POU6F1: variants seen among roughly 807,000 people sequenced by gnomAD.
POU6F1 encodes POU domain, class 6, transcription factor 1.
In POU6F1, 9 loss-of-function variants were observed where a neutral mutation model predicts 28.9. The observed-to-expected ratio is 0.31, with a 90% confidence interval of 0.19 to 0.54. POU6F1 has a LOEUF of 0.54. Ranked by LOEUF, POU6F1 falls within the 20% of genes least tolerant of loss-of-function variation. The pLI, the probability that POU6F1 is intolerant of heterozygous loss-of-function variation, is 0.94. For synonymous variants in POU6F1, 173 were observed against 171.1 expected (o/e 1.01, Z -0.09); for missense variants, 338 against 426.1 (o/e 0.79, Z 1.82).
At chr12:51,205,285 C>T (rs1943514842) in intron 2 of POU6F1, among the ~76,000 whole-genome samples, 1 of 152,102 alleles carries the variant, frequency 6.6e-6, no homozygotes, top group Admixed American at 6.6e-5. Flanking sequence ...CGTGATCCGC[C>T]CACCTCGGCC....
At chr12:51,216,142 A>AC (rs1423095755) in intron 1 of POU6F1, among the ~76,000 whole-genome samples, 11 of 152,080 alleles carry the variant, frequency 7.2e-5, no homozygotes, top group African/African-American at 2.7e-4. Context: ...ACACGGTGAA[A>AC]CCCCATCTCT....
At chr12:51,191,939 G>T (rs1942444870) in intron 9 of POU6F1, among the ~76,000 whole-genome samples, 175 bp from the exon 10 acceptor site, 1 of 152,214 alleles carries the variant, frequency 6.6e-6, no homozygotes, top group African/African-American at 2.4e-5. Flanking sequence ...AGTTGAAGGG[G>T]CCTAAACTAA....
chr12:51,194,215 C>T (rs1428837467), intron 8 of POU6F1, among the ~76,000 whole-genome samples: 3 of 152,114 alleles, frequency 2.0e-5, no homozygotes, highest in Admixed American at 6.5e-5. Flanking sequence ...TTAGTAGAGA[C>T]GAGGTTTCAC....
In POU6F1 at chr12:51,196,819, G is replaced by A; in HGVS notation, c.955C>T (p.Leu319Phe). 6.2e-7 allele frequency: 1 copy of A among 1,614,034 alleles called. No homozygotes were observed. Among genetic ancestry groups the A allele is most frequent in the Non-Finnish European group, 8.5e-7 (1 of 1,179,952 alleles). Residue 319 changes from leucine to phenylalanine, a missense_variant, in exon 7 of 11, where the codon CTC becomes TTC. Physicochemically the swap from Leu to Phe is conservative, Grantham distance 22. This residue lies in a region of POU6F1 where 206 missense variants were observed against 225.6 expected (regional missense o/e 0.91). Transcript: ENST00000333640. ...CTTGCCTGTCCCTGAGCATTGGTGA[G>A]GATCTGACTGCTGATCCCTGGCATG... Reference protein sequence around the residue: ...PSMPGISSQILTNAQGQVIGT... With the variant: ...PSMPGISSQIFTNAQGQVIGT...
chr12:51,192,469 C>A lies in POU6F1; in HGVS notation c.1182G>T (p.Val394=). The change falls in exon 9 of 11, where the codon GTG becomes GTT. Residue 394 remains valine, a splice_region_variant and synonymous_variant. Transcript: ENST00000333640. ...CGGTTGGTGTGGGCTGGATGGGCTG[C>A]ACCTGTGAAAGGACAGACAACAAGC... is the stretch of plus-strand genomic sequence containing the variant. ...STPESPAKSE[V]QPIQPTPTVP... 1 of 1,612,776 alleles carries A rather than the reference C, an allele frequency of 6.2e-7. No individual in the cohort carries two copies. The highest frequency in any genetic ancestry group is 1.1e-5 in the South Asian group (1 of 91,010).
intron 8 of POU6F1, among the ~76,000 whole-genome samples, chr12:51,194,644 A>G (rs1416698325): frequency 6.7e-6 from 1 of 149,344 alleles, no homozygotes; most frequent in Non-Finnish European, 1.5e-5. Flanking sequence ...TGGTCTCAAA[A>G]AAAAAAAAAA....
At chr12:51,202,120 C>G (rs1408813221) in intron 3 of POU6F1, 1 of 152,086 alleles carries the variant, frequency 6.6e-6, no homozygotes, top group Non-Finnish European at 1.5e-5. Context: ...CTCAGCTTCC[C>G]AAAGTGCTGG....
chr12:51,205,719 A>C (rs1380931940), intron 2 of POU6F1, among the ~76,000 whole-genome samples: 1 of 152,192 alleles, frequency 6.6e-6, no homozygotes, highest in Non-Finnish European at 1.5e-5. Context: ...GAGATGAGTG[A>C]AATACATCCC....
chr12:51,198,180 G>T, intron 5 of POU6F1, 157 bp from the exon 6 acceptor site: 1 of 397,664 alleles, frequency 2.5e-6, no homozygotes, highest in Non-Finnish European at 4.4e-6. Flanking sequence ...AAGGGCTGGC[G>T]CACGCCAGCA....
chr12:51,198,276 C>T (rs951257171), intron 5 of POU6F1: 4 of 396,084 alleles, frequency 1.0e-5, no homozygotes, highest in South Asian at 1.4e-4. Context: ...CCCAGGAGGC[C>T]GGTCATGGGG....
intron 1 of POU6F1, among the ~76,000 whole-genome samples, chr12:51,209,954 C>T (rs1244536516): frequency 6.6e-6 from 1 of 151,928 alleles, no homozygotes; most frequent in Non-Finnish European, 1.5e-5. Context: ...TGATGTCTCC[C>T]CTCAGATTTT....
rs2137257351 is a variant in POU6F1, at chr12:51,217,844, A to G, written c.-250T>C. On this transcript the variant is annotated 5_prime_UTR_variant, in exon 1 of 11. Coordinates refer to ENST00000333640, the MANE Select transcript of POU6F1 (RefSeq NM_001330422.2). This position sits in a 1 kb window ranked among gnomAD's most constrained non-coding sequence, Gnocchi z 5.3. ...GACCCGCCGCCGCCCCCAGGCCCCCAGCCTGGGCTGGGCAGAGCCGAAGGG... is the reference window on the plus strand; with the variant it reads ...GACCCGCCGCCGCCCCCAGGCCCCCGGCCTGGGCTGGGCAGAGCCGAAGGG... 1 of 151,590 alleles carries G rather than the reference A, an allele frequency of 6.6e-6. No individual in the cohort carries two copies. Among genetic ancestry groups the G allele is most frequent in the East Asian group, 2.0e-4 (1 of 5,042 alleles). The allele number at this position is 151,590 out of a possible 1,614,324, so 9.4% of individuals were successfully genotyped here.
intron 1 of POU6F1, among the ~76,000 whole-genome samples, chr12:51,216,119 A>T (rs1944275293): frequency 6.6e-6 from 1 of 152,156 alleles, no homozygotes; most frequent in Non-Finnish European, 1.5e-5. Context: ...GGAGTTCGAG[A>T]CCAGCCTGGG....
At chr12:51,210,959 C>T (rs1451635570) in intron 1 of POU6F1, among the ~76,000 whole-genome samples, 1 of 152,234 alleles carries the variant, frequency 6.6e-6, no homozygotes, top group African/African-American at 2.4e-5. Context: ...CCTGTGTGTT[C>T]CCCTTGCTTG....
chr12:51,189,965 C>A lies in POU6F1; in HGVS notation c.*282G>T. ...CCACCAGAATTCACCCTTCAGAAAC[C>A]ATGCTAGCAAGGTGCTTCTCTAAGT... On this transcript the variant is annotated 3_prime_UTR_variant, in exon 11 of 11. Coordinates refer to ENST00000333640, the MANE Select transcript of POU6F1 (RefSeq NM_001330422.2). 1 of 445,618 alleles carries A rather than the reference C, an allele frequency of 2.2e-6. No homozygotes were observed. The highest frequency in any genetic ancestry group is 4.0e-6 in the Non-Finnish European group (1 of 251,386). The allele number at this position is 445,618 out of a possible 1,614,324, so 27.6% of individuals were successfully genotyped here.
intron 1 of POU6F1, among the ~76,000 whole-genome samples, chr12:51,216,742 G>T (rs1317778270): frequency 6.6e-6 from 1 of 152,194 alleles, no homozygotes; most frequent in Non-Finnish European, 1.5e-5. Context: ...TTGGAACAAG[G>T]AATTTGGGAA....
Position 51,190,477 on chromosome 12 carries a change from A to G in POU6F1, c.1606T>C (p.Phe536Leu), listed in dbSNP as rs1942326120. The change falls in exon 11 of 11, where the codon TTT (phenylalanine) becomes CTT (leucine). Residue 536 changes from phenylalanine (F) to leucine (L), a missense_variant. Transcript: ENST00000333640. The surrounding 1 kb of genome is among the most constrained non-coding windows in gnomAD (Gnocchi z 4.5). ...TTCTTGGAGGGCTCGCCTCCCACAA[A>G]CTCCATCAGGTTCTGCTGGCCTTCC... The part of the protein sequence containing the change: ...NQEGQQNLME[F>L]VGGEPSKKRK... 6.2e-7 allele frequency: 1 copy of G among 1,613,184 alleles called. No homozygotes were observed. The highest frequency in any genetic ancestry group is 8.5e-7 in the Non-Finnish European group (1 of 1,179,800).
chr12:51,198,152 C>G (rs1942963962), intron 5 of POU6F1, 129 bp from the exon 6 acceptor site: 1 of 398,044 alleles, frequency 2.5e-6, no homozygotes. Context: ...CAGGCAGCCA[C>G]GATTCCCTTG....
chr12:51,197,687 T>C (rs2137131213), intron 6 of POU6F1, 83 bp downstream of exon 6: 2 of 398,918 alleles, frequency 5.0e-6, no homozygotes, highest in East Asian at 3.6e-5. Flanking sequence ...GGGCTCGTCC[T>C]CCACTGTGGG....
Sources: allele counts gnomAD v4.1 joint callset (sites outside exome capture counted in the v4.1 genomes callset), GRCh38; gene constraint gnomAD v4.1.1; regional missense constraint gnomAD v4.1.1; non-coding constraint Gnocchi (gnomAD v3.1); transcripts MANE v1.5; gene names NCBI Gene and HGNC (gene_info 2026-07-23, HGNC 2026-07-21).